The following CACNA2D1 variants were observed in gnomAD, a reference collection of about 807,000 sequenced individuals.
CACNA2D1 encodes calcium voltage-gated channel auxiliary subunit alpha2delta 1.
In CACNA2D1, 53 loss-of-function variants were observed where a neutral mutation model predicts 171.5. That is an observed-to-expected ratio of 0.31 (90% confidence interval 0.25 to 0.39). The LOEUF is 0.39. CACNA2D1 is among the 10% of genes least tolerant of loss of function. CACNA2D1 has a pLI of 1.00. For missense variants in CACNA2D1, 903 were observed against 1,299.8 expected (o/e 0.69, Z 4.69); for synonymous variants, 442 against 443.1 (o/e 1.00, Z 0.03).
intron 3 of CACNA2D1, among the ~76,000 whole-genome samples, chr7:82,240,751 A>C (rs1001981968): frequency 2.5e-4 from 38 of 152,140 alleles, no homozygotes; most frequent in Admixed American, 9.2e-4. Flanking sequence ...GGCGGATCAC[A>C]AGGTCAAGAG....
chr7:82,103,433 C>A, intron 6 of CACNA2D1, among the ~76,000 whole-genome samples: 1 of 152,100 alleles, frequency 6.6e-6, no homozygotes, highest in Non-Finnish European at 1.5e-5. Flanking sequence ...TCTTGAAAGG[C>A]AGAGAAAGGA....
chr7:82,305,638 T>C (rs1240664103), intron 3 of CACNA2D1, among the ~76,000 whole-genome samples: 2 of 152,220 alleles, frequency 1.3e-5, no homozygotes, highest in Non-Finnish European at 2.9e-5. Context: ...TAACACAAGA[T>C]GGTATAAAAA....
intron 3 of CACNA2D1, among the ~76,000 whole-genome samples, chr7:82,273,801 C>T (rs1376998662): frequency 5.3e-5 from 8 of 151,990 alleles, no homozygotes; most frequent in Non-Finnish European, 5.9e-5. Context: ...TACAGGTGCA[C>T]GTGATTATGT....
intron 3 of CACNA2D1, among the ~76,000 whole-genome samples, chr7:82,261,612 A>C (rs1807109358): frequency 6.6e-6 from 1 of 152,226 alleles, no homozygotes; most frequent in South Asian, 2.1e-4. Flanking sequence ...ATGCATTTCT[A>C]ATCTAGGATA....
At chr7:82,308,217 C>A (rs902560775) in intron 3 of CACNA2D1, among the ~76,000 whole-genome samples, 1 of 152,132 alleles carries the variant, frequency 6.6e-6, no homozygotes. Context: ...AGTCTTCTAC[C>A]CAGTTCCCTT....
At chr7:82,393,230 G>T (rs978882208) in intron 1 of CACNA2D1, among the ~76,000 whole-genome samples, 1 of 152,024 alleles carries the variant, frequency 6.6e-6, no homozygotes, top group Non-Finnish European at 1.5e-5. Context: ...AAAAATTGTA[G>T]CTATATACAA....
chr7:82,017,459 A>C (rs1800639199), intron 12 of CACNA2D1, among the ~76,000 whole-genome samples: 1 of 152,286 alleles, frequency 6.6e-6, no homozygotes, highest in South Asian at 2.1e-4. Flanking sequence ...ATTTAAAAGA[A>C]CTTTTGTGTA....
At chr7:82,023,480 C>G (rs1489277840) in intron 12 of CACNA2D1, among the ~76,000 whole-genome samples, 1 of 151,736 alleles carries the variant, frequency 6.6e-6, no homozygotes, top group African/African-American at 2.4e-5. Flanking sequence ...CTGGATTGCT[C>G]TGAAAGATTT....
At chr7:81,951,693 G>A (rs1363200799) in intron 38 of CACNA2D1, among the ~76,000 whole-genome samples, 4 of 151,960 alleles carry the variant, frequency 2.6e-5, no homozygotes, top group African/African-American at 9.7e-5. Flanking sequence ...TATGGCTGAG[G>A]TGTATTCCAT....
At chr7:82,246,268 T>C (rs1392847193) in intron 3 of CACNA2D1, among the ~76,000 whole-genome samples, 4 of 151,408 alleles carry the variant, frequency 2.6e-5, no homozygotes, top group Non-Finnish European at 5.9e-5. Context: ...TATGTAGAGA[T>C]ACTAATATAT....
intron 3 of CACNA2D1, among the ~76,000 whole-genome samples, chr7:82,306,988 G>C (rs768186370): frequency 6.6e-6 from 1 of 152,002 alleles, no homozygotes; most frequent in Non-Finnish European, 1.5e-5. Context: ...AGCCTGCTTT[G>C]GTTTCTCCAT....
chr7:82,174,442 A>G (rs1796361819), intron 3 of CACNA2D1, among the ~76,000 whole-genome samples: 2 of 152,096 alleles, frequency 1.3e-5, no homozygotes, highest in African/African-American at 4.8e-5. Context: ...ATGTGTTAAG[A>G]ATGTATACAT....
At chr7:82,211,688 T>C (rs1800571970) in intron 3 of CACNA2D1, among the ~76,000 whole-genome samples, 1 of 152,208 alleles carries the variant, frequency 6.6e-6, no homozygotes, top group African/African-American at 2.4e-5. Flanking sequence ...ATGTGTTTTT[T>C]GGCCAGAATG....
At chr7:81,983,490 A>G (rs1185209594) in intron 22 of CACNA2D1, among the ~76,000 whole-genome samples, 156 bp from the exon 23 acceptor site, 1 of 152,136 alleles carries the variant, frequency 6.6e-6, no homozygotes, top group Non-Finnish European at 1.5e-5. Context: ...AGTCTGAGGA[A>G]AAAAAAGACA....
intron 20 of CACNA2D1, among the ~76,000 whole-genome samples, chr7:81,994,286 TG>T (rs1797831794): frequency 6.6e-6 from 1 of 151,902 alleles, no homozygotes; most frequent in South Asian, 2.1e-4. Context: ...TACTCCAATA[TG>T]ATAATAGACA....
At chr7:82,202,605 C>T (rs926085641) in intron 3 of CACNA2D1, among the ~76,000 whole-genome samples, 14 of 152,086 alleles carry the variant, frequency 9.2e-5, no homozygotes, top group African/African-American at 2.9e-4. Context: ...TTTTTGACCG[C>T]GGTACAAGAA....
At chr7:82,171,617 C>G (rs7799811) in intron 3 of CACNA2D1, among the ~76,000 whole-genome samples, 9,764 of 152,112 alleles carry the variant, frequency 0.064, 656 homozygotes, top group African/African-American at 0.17. Context: ...CTGGCACAAA[C>G]TAAACAATAT....
chr7:81,974,051 T>C (rs1433286985), intron 25 of CACNA2D1, among the ~76,000 whole-genome samples: 3 of 152,006 alleles, frequency 2.0e-5, no homozygotes, highest in African/African-American at 2.4e-5. Flanking sequence ...GTTTTTATTC[T>C]ACCCATATTA....
chr7:82,328,063 G>C (rs758745117), intron 3 of CACNA2D1, among the ~76,000 whole-genome samples: 8 of 152,110 alleles, frequency 5.3e-5, no homozygotes, highest in Non-Finnish European at 1.2e-4. Flanking sequence ...TTGATGCCGT[G>C]TCTCATTGCC....
Sources: allele counts gnomAD v4.1 joint callset (sites outside exome capture counted in the v4.1 genomes callset), GRCh38; gene constraint gnomAD v4.1.1; transcripts MANE v1.5; gene names NCBI Gene and HGNC (gene_info 2026-07-23, HGNC 2026-07-21).